Variants in MED13L observed in about 807,000 individuals in gnomAD.
MED13L encodes the protein mediator of RNA polymerase II transcription subunit 13-like.
A neutral mutation model predicts 220.9 loss-of-function variants in MED13L; 7 were observed. The observed-to-expected ratio is 0.03, with a 90% CI of 0.02 to 0.06. MED13L has a LOEUF of 0.06. MED13L is among the 10% of genes least tolerant of loss of function. MED13L has a pLI of 1.00. For missense variants in MED13L, 1,965 were observed against 2,760.5 expected, an observed-to-expected ratio of 0.71 and a Z score of 6.46; for synonymous variants, 1,011 against 1,015.2, an observed-to-expected ratio of 1.00 and a Z score of 0.08.
rs1024398825 is a variant in MED13L at position 115,986,253 on chromosome 12, G to GT, written c.4338+12dup. On this transcript the variant is annotated intron_variant, in intron 19 of 30. Coordinates refer to ENST00000281928, the MANE Select transcript of MED13L (RefSeq NM_015335.5). ...CAAGTCATAAAAAGCAATTTTCACA[G>GT]TAACTTCCTCACCTCGTATACAGCA... 3 of 1,611,200 alleles carry GT rather than the reference G, an allele frequency of 1.9e-6. No homozygotes were observed. In the African/African-American group the frequency reaches 4.0e-5, roughly 22 times the overall value.
chr12:116,019,187 ATCTCT>A, intron 7 of MED13L, 32 bp downstream of exon 7: 2 of 1,594,146 alleles, frequency 1.3e-6, no homozygotes, highest in Non-Finnish European at 1.7e-6. Flanking sequence ...ATTGTCTGAG[ATCTCT>A]TCTCCCCAGG....
At chr12:115,987,081 G>T (rs763869977) in intron 18 of MED13L, 28 bp downstream of exon 18, 45 of 1,612,328 alleles carry the variant, frequency 2.8e-5, no homozygotes, top group Non-Finnish European at 3.6e-5. Flanking sequence ...GAAGTCAGAA[G>T]GAATTTTAAA....
intron 4 of MED13L, among the ~76,000 whole-genome samples, chr12:116,028,895 C>A (rs1592963234): frequency 6.6e-6 from 1 of 152,134 alleles, no homozygotes; most frequent in Non-Finnish European, 1.5e-5. Flanking sequence ...TTAATTCACC[C>A]TTCCCTAGAG....
At chr12:116,237,245 G>C (rs1185202415) in intron 2 of MED13L, among the ~76,000 whole-genome samples, 2 of 151,980 alleles carry the variant, frequency 1.3e-5, no homozygotes, top group Non-Finnish European at 2.9e-5. Flanking sequence ...TAACAGCAGC[G>C]GTTCACAAGG....
At chr12:116,023,476 A>C (rs910722515) in intron 4 of MED13L, among the ~76,000 whole-genome samples, 2 of 152,236 alleles carry the variant, frequency 1.3e-5, no homozygotes, top group African/African-American at 4.8e-5. Context: ...CACAATTTTT[A>C]AAAGTCATCT....
At chr12:116,261,870 T>C (rs11615689) in intron 1 of MED13L, among the ~76,000 whole-genome samples, 22,653 of 152,240 alleles carry the variant, frequency 0.15, 1,938 homozygotes, top group Middle Eastern at 0.22. Flanking sequence ...CCATTCCTAC[T>C]GGCCCTGCGT....
chr12:116,211,030 G>A (rs1235451719), intron 2 of MED13L, among the ~76,000 whole-genome samples: 1 of 152,070 alleles, frequency 6.6e-6, no homozygotes, highest in Non-Finnish European at 1.5e-5. Flanking sequence ...GAGATGAAGA[G>A]GGAGGAAAGG....
chr12:116,209,722 G>A (rs1882574508), intron 2 of MED13L, among the ~76,000 whole-genome samples: 1 of 152,140 alleles, frequency 6.6e-6, no homozygotes, highest in Admixed American at 6.5e-5. Context: ...AGTGAGATCT[G>A]TTTCAGAAAT....
rs753138376 is a variant in MED13L at position 115,987,297 on chromosome 12, G to A, written c.3935-9C>T. The A allele has an allele frequency of 6.2e-7, 1 of 1,610,908 alleles. No individual in the cohort carries two copies. The highest frequency in any genetic ancestry group is 8.5e-7 in the Non-Finnish European group (1 of 1,179,138). On this transcript the variant is annotated splice_polypyrimidine_tract_variant and intron_variant, in intron 17 of 30. Transcript: ENST00000281928. ...CATGCTGATGTCCAGCACTGGAAGA[G>A]AAGTGAGAAGAAACAGAGAAGATAA...
intron 11 of MED13L, 177 bp downstream of exon 11, chr12:116,007,234 G>A (rs1360284093): frequency 1.7e-5 from 11 of 663,420 alleles, no homozygotes; most frequent in Non-Finnish European, 3.0e-5. Context: ...GGTGAGCCAT[G>A]ACATAAAAAG....
rs1877403427 is a variant in MED13L, at chr12:115,982,584, T to C, written c.4975A>G (p.Ile1659Val). The change falls in exon 22 of 31, where the codon ATA (isoleucine) becomes GTA (valine). Residue 1659 changes from isoleucine to valine, a missense_variant. Transcript: ENST00000281928. ...GAGTCAGGCTCCGTGGGAATTCCTA[T>C]TCTCTCCCTTTCTGTAACACTGGAG... Reference protein sequence around the residue: ...GQESVTERERIGIPTEPDSAD... With the variant: ...GQESVTERERVGIPTEPDSAD... 2 of 1,613,764 alleles carry C rather than the reference T, an allele frequency of 1.2e-6. No homozygotes were observed. Among genetic ancestry groups the C allele is most frequent in the Non-Finnish European group, 1.7e-6 (2 of 1,179,728 alleles).
intron 2 of MED13L, among the ~76,000 whole-genome samples, chr12:116,124,741 GA>G (rs1219405110): frequency 6.6e-6 from 1 of 152,110 alleles, no homozygotes; most frequent in Non-Finnish European, 1.5e-5. Flanking sequence ...ATTTAAATTA[GA>G]AAAAAGTCAT....
intron 2 of MED13L, among the ~76,000 whole-genome samples, chr12:116,112,325 A>G (rs1593057942): frequency 6.6e-6 from 1 of 152,218 alleles, no homozygotes; most frequent in African/African-American, 2.4e-5. Flanking sequence ...CATTTACAGA[A>G]GAAAATTTCC....
chr12:116,203,577 T>C (rs1210691258), intron 2 of MED13L, among the ~76,000 whole-genome samples: 1 of 152,104 alleles, frequency 6.6e-6, no homozygotes, highest in Non-Finnish European at 1.5e-5. Context: ...CCAAGCACTT[T>C]GGGAGACCGA....
intron 1 of MED13L, among the ~76,000 whole-genome samples, chr12:116,259,937 G>C (rs188146063): frequency 8.7e-5 from 12 of 137,624 alleles, no homozygotes; most frequent in Middle Eastern, 3.8e-3. Context: ...AAATGTTAGT[G>C]AGTACAGCTG....
intron 19 of MED13L, among the ~76,000 whole-genome samples, chr12:115,985,216 C>G (rs1295158585): frequency 6.6e-6 from 1 of 152,154 alleles, no homozygotes; most frequent in East Asian, 1.9e-4. Context: ...AGGTTCCATT[C>G]AAGGAAATGG....
intron 4 of MED13L, among the ~76,000 whole-genome samples, chr12:116,060,559 G>A (rs1286695978): frequency 4.8e-5 from 7 of 145,068 alleles, no homozygotes; most frequent in Non-Finnish European, 1.0e-4. Context: ...CAGCCTGGGC[G>A]ACAGAGCAAG....
At chr12:116,109,494 G>A (rs184130999) in intron 3 of MED13L, among the ~76,000 whole-genome samples, 3 of 151,626 alleles carry the variant, frequency 2.0e-5, no homozygotes, top group Admixed American at 6.6e-5. Context: ...GCATTTGTTC[G>A]TATTCTTCTG....
intron 23 of MED13L, among the ~76,000 whole-genome samples, chr12:115,978,696 C>A (rs1877125081): frequency 6.6e-6 from 1 of 152,108 alleles, no homozygotes; most frequent in Admixed American, 6.5e-5. Flanking sequence ...GTTATTAAAG[C>A]AAGAAAAGTC....
Sources: gnomAD v4.1 joint callset for allele counts (sites outside exome capture counted in the v4.1 genomes callset) on GRCh38, gnomAD v4.1.1 for gene constraint, MANE v1.5 for transcripts, NCBI Gene and HGNC (gene_info 2026-07-23, HGNC 2026-07-21) for gene names.